Variants in SDK1 observed in about 807,000 individuals in gnomAD.
SDK1 encodes protein sidekick-1.
Under a neutral mutation model 245.5 loss-of-function variants are expected in SDK1, and 157 were observed. The observed-to-expected ratio is 0.64, with a 90% CI of 0.56 to 0.73. SDK1 has a LOEUF of 0.73. Among genes scored for constraint, SDK1 ranks in the 30% least tolerant of loss-of-function variants. The pLI is 0.00. For missense variants in SDK1, 3,583 were observed against 3,002.3 expected (o/e 1.19, Z -4.52); for synonymous variants, 1,647 against 1,278.5 (o/e 1.29, Z -6.15).
At chr7:4,101,503 T>G (rs1015997001) in intron 22 of SDK1, among the ~76,000 whole-genome samples, 2 of 151,916 alleles carry the variant, frequency 1.3e-5, no homozygotes, top group African/African-American at 4.8e-5. Flanking sequence ...AAGCAAGAGG[T>G]TGGGAGCTTC....
intron 1 of SDK1, among the ~76,000 whole-genome samples, chr7:3,362,750 A>G (rs1030737738): frequency 3.3e-5 from 5 of 152,192 alleles, no homozygotes; most frequent in African/African-American, 1.2e-4. Flanking sequence ...TCTTCCCGGA[A>G]GACATTTTCA....
At chr7:4,253,142 C>T (rs994433340) in intron 44 of SDK1, among the ~76,000 whole-genome samples, 1 of 152,034 alleles carries the variant, frequency 6.6e-6, no homozygotes, top group Admixed American at 6.6e-5. Context: ...TATTTCTACT[C>T]TAATCTTTAT....
At chr7:3,480,758 G>A (rs1448236446) in intron 1 of SDK1, among the ~76,000 whole-genome samples, 1 of 152,210 alleles carries the variant, frequency 6.6e-6, no homozygotes, top group Non-Finnish European at 1.5e-5. Flanking sequence ...CGTTGACAGG[G>A]GCTATGAGTC....
At chr7:3,538,427 G>A (rs1449985928) in intron 1 of SDK1, among the ~76,000 whole-genome samples, 2 of 151,772 alleles carry the variant, frequency 1.3e-5, no homozygotes, top group African/African-American at 4.8e-5. Flanking sequence ...GCCTTTTAAT[G>A]TATCCTCTTC....
intron 13 of SDK1, among the ~76,000 whole-genome samples, chr7:3,977,982 A>T (rs910144179): frequency 3.3e-5 from 5 of 152,190 alleles, no homozygotes; most frequent in African/African-American, 1.2e-4. Flanking sequence ...TGGGTATACA[A>T]GTAAGCTCAG....
At chr7:3,622,459 C>G (rs941943744) in intron 2 of SDK1, among the ~76,000 whole-genome samples, 7 of 152,116 alleles carry the variant, frequency 4.6e-5, no homozygotes, top group Non-Finnish European at 1.0e-4. Context: ...CCAGCCTGGG[C>G]TACAGAGTGA....
Position 4,256,766 on chromosome 7 carries a change from G to A in SDK1, c.6382-8358G>A, listed in dbSNP as rs553451662. 1.1e-4 allele frequency among the ~76,000 whole-genome samples: 16 copies of A among 152,322 alleles called. 2 individuals are homozygous for A. The highest frequency in any genetic ancestry group is 3.8e-4 in the African/African-American group (16 of 41,572). On this transcript the variant is annotated intron_variant, in intron 44 of 44. Coordinates refer to ENST00000404826, the MANE Select transcript of SDK1 (RefSeq NM_152744.4). ...TGCTCACCGTCTTCTCCAGGGCCCA[G>A]GGGATAAGGAGTGAGAAGCCCTTTG...
intron 5 of SDK1, among the ~76,000 whole-genome samples, chr7:3,845,692 C>CTTT (rs773625554): frequency 1.1e-3 from 153 of 141,794 alleles, no homozygotes; most frequent in African/African-American, 3.8e-3. Flanking sequence ...CGTGCTTCTC[C>CTTT]TTTTTTTTTT....
intron 1 of SDK1, among the ~76,000 whole-genome samples, chr7:3,373,861 AC>A (rs1481073220): frequency 9.8e-5 from 15 of 152,296 alleles, no homozygotes; most frequent in African/African-American, 3.1e-4. Context: ...AACAAAGAAG[AC>A]CTCATTCACA....
rs752828919 is a variant in SDK1, at chr7:3,958,972, G to A, written c.1192G>A (p.Ala398Thr). 6.2e-7 allele frequency: 1 copy of A among 1,614,106 alleles called. No homozygotes were observed. Among genetic ancestry groups the A allele is most frequent in the South Asian group, 1.1e-5 (1 of 91,076 alleles). Residue 398 changes from alanine (A) to threonine (T), a missense_variant, in exon 8 of 45, where the codon GCT becomes ACT. Ala to Thr is a moderately conservative substitution (Grantham distance 58). Coordinates refer to ENST00000404826, the MANE Select transcript of SDK1 (RefSeq NM_152744.4). ...TGCTGAGCCCGAGAGTCGGATTTCA[G>A]CTGAAGTAGAAGAAACTGTGGACAT... ...FTAEPESRIS[A>T]EVEETVDIGC... is the part of the protein sequence containing the mutation.
chr7:3,373,375 T>C (rs1049457303), intron 1 of SDK1, among the ~76,000 whole-genome samples: 1 of 152,234 alleles, frequency 6.6e-6, no homozygotes, highest in African/African-American at 2.4e-5. Context: ...AGGTTCTCTC[T>C]GTAATTCAAA....
intron 1 of SDK1, among the ~76,000 whole-genome samples, chr7:3,536,990 T>A (rs1012584446): frequency 6.6e-6 from 1 of 152,214 alleles, no homozygotes; most frequent in Non-Finnish European, 1.5e-5. Flanking sequence ...TCTATTTTTT[T>A]AATTGAAGTA....
chr7:4,158,123 A>G (rs1310918436), intron 30 of SDK1, among the ~76,000 whole-genome samples: 1 of 152,120 alleles, frequency 6.6e-6, no homozygotes, highest in Non-Finnish European at 1.5e-5. Flanking sequence ...CCTGAGCAGA[A>G]TCTTCCCCCT....
At position 3,426,873 on chromosome 7, in the gene SDK1, T is replaced by C. The variant is rs901084662; in HGVS notation, c.298+124989T>C. 3.3e-5 allele frequency among the ~76,000 whole-genome samples: 5 copies of C among 152,372 alleles called. No homozygotes were observed. In the East Asian group the frequency reaches 9.6e-4, roughly 29 times the overall value. On this transcript the variant is annotated intron_variant, in intron 1 of 44. Coordinates refer to ENST00000404826, the MANE Select transcript of SDK1 (RefSeq NM_152744.4). Reference sequence around the variant, plus strand: ...TCTGCTTAAATCCCTGTCATGGTTTTCTGTCATCCTTAAGGAATTTATAAT... The same window carrying C: ...TCTGCTTAAATCCCTGTCATGGTTTCCTGTCATCCTTAAGGAATTTATAAT...
chr7:3,763,544 A>G (rs1463790648), intron 4 of SDK1, among the ~76,000 whole-genome samples: 3 of 152,210 alleles, frequency 2.0e-5, no homozygotes, highest in Non-Finnish European at 4.4e-5. Context: ...CGTTGCCCCT[A>G]AACACTTCAC....
At chr7:3,853,163 A>G (rs572789376) in intron 5 of SDK1, among the ~76,000 whole-genome samples, 4 of 152,284 alleles carry the variant, frequency 2.6e-5, no homozygotes, top group Admixed American at 6.5e-5. Context: ...AAAAATGTGC[A>G]TAGAAATGGA....
intron 1 of SDK1, among the ~76,000 whole-genome samples, chr7:3,337,148 G>A (rs34825038): frequency 0.21 from 32,409 of 152,096 alleles, 4,252 homozygotes; most frequent in East Asian, 0.41. Context: ...ATGATAAAAT[G>A]TTTCAACAAG....
chr7:4,121,377 C>A (rs1784055636), intron 25 of SDK1, among the ~76,000 whole-genome samples: 3 of 152,066 alleles, frequency 2.0e-5, no homozygotes, highest in Admixed American at 2.0e-4. Flanking sequence ...ATCATGGGGG[C>A]AATTTCCGCC....
intron 20 of SDK1, among the ~76,000 whole-genome samples, chr7:4,075,176 G>T (rs1024554000): frequency 6.6e-6 from 1 of 151,862 alleles, no homozygotes; most frequent in Non-Finnish European, 1.5e-5. Flanking sequence ...CAAGTGCTCT[G>T]GAGGCACCCA....
Sources: gnomAD v4.1 joint callset for allele counts (sites outside exome capture counted in the v4.1 genomes callset) on GRCh38, gnomAD v4.1.1 for gene constraint, MANE v1.5 for transcripts, NCBI Gene and HGNC (gene_info 2026-07-23, HGNC 2026-07-21) for gene names.